The following SUSD6 variants were observed in gnomAD, a reference collection of about 807,000 sequenced individuals.
SUSD6 encodes sushi domain-containing protein 6.
SUSD6 carries 16 observed loss-of-function variants against 28.4 expected under a neutral mutation model. The observed-to-expected ratio is 0.56, with a 90% CI of 0.38 to 0.86. The LOEUF (loss-of-function observed/expected upper bound fraction) is 0.86. SUSD6 is among the 40% of genes least tolerant of loss of function. The pLI, the probability that SUSD6 is intolerant of heterozygous loss-of-function variation, is 0.00. For synonymous variants in SUSD6, 147 were observed against 159.6 expected (o/e 0.92, Z 0.59); for missense variants, 341 against 384.2 (o/e 0.89, Z 0.94).
At chr14:69,680,582 T>G (rs1399779465) in intron 2 of SUSD6, among the ~76,000 whole-genome samples, 1 of 151,938 alleles carries the variant, frequency 6.6e-6, no homozygotes, top group Non-Finnish European at 1.5e-5. Context: ...TATGGTAAGG[T>G]CCATTCTTCT....
At chr14:69,620,235 G>A (rs1323354707) in intron 1 of SUSD6, among the ~76,000 whole-genome samples, 2 of 152,198 alleles carry the variant, frequency 1.3e-5, no homozygotes, top group South Asian at 2.1e-4. Context: ...CAGCAGAATA[G>A]CAAGAAAAAC....
chr14:69,672,403 C>T (rs1837258901), intron 2 of SUSD6, among the ~76,000 whole-genome samples: 1 of 152,124 alleles, frequency 6.6e-6, no homozygotes, highest in African/African-American at 2.4e-5. Flanking sequence ...TCATTTTCCT[C>T]TGAGAAGCCA....
intron 2 of SUSD6, among the ~76,000 whole-genome samples, chr14:69,681,170 C>T (rs1161512964): frequency 6.6e-6 from 1 of 152,198 alleles, no homozygotes; most frequent in Admixed American, 6.5e-5. Flanking sequence ...GTCCCTCACC[C>T]TTCGCTACCA....
intron 1 of SUSD6, among the ~76,000 whole-genome samples, chr14:69,644,969 G>C (rs1260349815): frequency 6.6e-6 from 1 of 152,158 alleles, no homozygotes; most frequent in African/African-American, 2.4e-5. Context: ...CTAATCAAAG[G>C]GAAGGAACAG....
At chr14:69,616,027 T>C (rs1465629964) in intron 1 of SUSD6, among the ~76,000 whole-genome samples, 1 of 152,242 alleles carries the variant, frequency 6.6e-6, no homozygotes, top group East Asian at 1.9e-4. Context: ...TGTTTTATTT[T>C]ATTTTATTTT....
chr14:69,681,177 A>G (rs960734495), intron 2 of SUSD6, among the ~76,000 whole-genome samples: 1 of 152,188 alleles, frequency 6.6e-6, no homozygotes, highest in Non-Finnish European at 1.5e-5. Context: ...ACCCTTCGCT[A>G]CCACCAATTA....
chr14:69,634,203 G>A (rs1386097656), intron 1 of SUSD6, among the ~76,000 whole-genome samples: 2 of 152,162 alleles, frequency 1.3e-5, no homozygotes, highest in Non-Finnish European at 1.5e-5. Context: ...CCAGAAGGAG[G>A]GTGTGAAAGG....
intron 2 of SUSD6, among the ~76,000 whole-genome samples, chr14:69,683,470 C>T (rs1886027894): frequency 6.6e-6 from 1 of 152,022 alleles, no homozygotes; most frequent in Non-Finnish European, 1.5e-5. Flanking sequence ...GAAGGATATT[C>T]CTGTAAAAGA....
chr14:69,654,495 C>T (rs908775186), intron 1 of SUSD6, among the ~76,000 whole-genome samples: 1 of 152,080 alleles, frequency 6.6e-6, no homozygotes, highest in Admixed American at 6.6e-5. Flanking sequence ...TCTAGATGAC[C>T]CTTGTGCTGA....
At chr14:69,685,967 G>A (rs1471171917) in intron 2 of SUSD6, among the ~76,000 whole-genome samples, 2 of 152,198 alleles carry the variant, frequency 1.3e-5, no homozygotes, top group East Asian at 1.9e-4. Flanking sequence ...GAGCAGCCTC[G>A]CCAGCTCCCT....
intron 2 of SUSD6, among the ~76,000 whole-genome samples, chr14:69,664,345 G>A (rs1327853600): frequency 6.6e-6 from 1 of 152,126 alleles, no homozygotes; most frequent in Non-Finnish European, 1.5e-5. Context: ...TTAGGCACAA[G>A]GTTTGCCAAG....
At chr14:69,675,334 A>G (rs1326286579) in intron 2 of SUSD6, among the ~76,000 whole-genome samples, 1 of 151,968 alleles carries the variant, frequency 6.6e-6, no homozygotes, top group Non-Finnish European at 1.5e-5. Flanking sequence ...TCATCACTCA[A>G]CATTTACAGA....
chr14:69,663,512 G>A (rs531827084), intron 2 of SUSD6, among the ~76,000 whole-genome samples: 1 of 152,328 alleles, frequency 6.6e-6, no homozygotes, highest in African/African-American at 2.4e-5. Context: ...ATCTTGGAAG[G>A]ACCCTCGAGT....
intron 1 of SUSD6, among the ~76,000 whole-genome samples, chr14:69,646,700 C>CTTTTTTT (rs61409476): frequency 1.2e-4 from 13 of 109,218 alleles, no homozygotes; most frequent in South Asian, 3.1e-4. Context: ...TTTTTTCCAT[C>CTTTTTTT]TTTTTTTTTT....
chr14:69,639,409 T>C (rs1885316598), intron 1 of SUSD6, among the ~76,000 whole-genome samples: 1 of 152,084 alleles, frequency 6.6e-6, no homozygotes, highest in South Asian at 2.1e-4. Flanking sequence ...TTTTCCAGTT[T>C]ATTTTACTGA....
At chr14:69,613,516 C>G (rs1884912897) in intron 1 of SUSD6, among the ~76,000 whole-genome samples, 1 of 152,254 alleles carries the variant, frequency 6.6e-6, no homozygotes, top group Admixed American at 6.5e-5. Flanking sequence ...TTCATTCTTT[C>G]ATTCAGTACT....
At chr14:69,705,391 G>A (rs1486961637) in intron 4 of SUSD6, among the ~76,000 whole-genome samples, 5 of 151,798 alleles carry the variant, frequency 3.3e-5, no homozygotes, top group African/African-American at 9.7e-5. Context: ...TACACCAGTC[G>A]TTCTCAAAGC....
chr14:69,665,031 G>T (rs1885718463), intron 2 of SUSD6, among the ~76,000 whole-genome samples: 1 of 152,138 alleles, frequency 6.6e-6, no homozygotes, highest in African/African-American at 2.4e-5. Context: ...TGGCTGCCTG[G>T]ACTGGGATCA....
intron 2 of SUSD6, among the ~76,000 whole-genome samples, chr14:69,659,505 T>TTTTGTTTGTTTG (rs143739135): frequency 1.3e-5 from 2 of 151,906 alleles, no homozygotes; most frequent in South Asian, 2.1e-4. Context: ...CATTGAGCCT[T>TTTTGTTTGTTTG]TTTGTTTGTT....
Sources: allele counts gnomAD v4.1 joint callset (sites outside exome capture counted in the v4.1 genomes callset), GRCh38; gene constraint gnomAD v4.1.1; transcripts MANE v1.5; gene names NCBI Gene and HGNC (gene_info 2026-07-23, HGNC 2026-07-21).